RPS6KA6: variants seen among roughly 807,000 people sequenced by gnomAD.
RPS6KA6 encodes ribosomal protein S6 kinase alpha-6.
A neutral mutation model predicts 65.4 loss-of-function variants in RPS6KA6; 27 were observed. The observed-to-expected ratio is 0.41, with a 90% confidence interval of 0.30 to 0.57. The LOEUF is 0.57. Ranked by LOEUF, RPS6KA6 falls within the 20% of genes least tolerant of loss-of-function variation. RPS6KA6 has a pLI of 0.24. For missense variants in RPS6KA6, 486 were observed against 555.6 expected (o/e 0.87, Z 1.26); for synonymous variants, 190 against 184.2 (o/e 1.03, Z -0.26).
rs1034466329 is a variant in RPS6KA6 at position 84,147,608 on chromosome X, G to A, written c.340+434C>T. Among the ~76,000 whole-genome samples, 9 of 111,148 alleles carry A rather than the reference G, an allele frequency of 8.1e-5. No individual in the cohort carries two copies. In the South Asian group the frequency reaches 2.6e-3, roughly 33 times the overall value. On this transcript the variant is annotated intron_variant, in intron 4 of 21. Coordinates refer to ENST00000262752, the MANE Select transcript of RPS6KA6 (RefSeq NM_014496.5). ...ATTATAGGTGTGAGCCACCATGCCC[G>A]GCCTATTAATCTCTTTTAATTGTTC...
In RPS6KA6 at chrX:84,138,391, G is replaced by GAA. The variant is rs199653951; in HGVS notation, c.502-3183_502-3182dup. 7.7e-5 allele frequency among the ~76,000 whole-genome samples: 8 copies of GAA among 103,688 alleles called. No individual in the cohort carries two copies. In the East Asian group the frequency reaches 1.2e-3, roughly 16 times the overall value. The allele number at this position is 103,688 out of a possible 115,157, so 90.0% of individuals were successfully genotyped here. A position where few individuals can be genotyped will look rare whatever the true frequency, so the allele number is the denominator to read the frequency against. On this transcript the variant is annotated intron_variant, in intron 6 of 21. Coordinates refer to ENST00000262752, the MANE Select transcript of RPS6KA6 (RefSeq NM_014496.5). The stretch of plus-strand genomic sequence containing the variant: ...AACATAGCAAGATCCCATCTCTACT[G>GAA]AAAAAAAAAAATAGCCTGGTATAGT...
intron 20 of RPS6KA6, among the ~76,000 whole-genome samples, chrX:84,077,607 A>T (rs1207145981): frequency 8.9e-6 from 1 of 112,097 alleles, no homozygotes. Flanking sequence ...ATGTTGAATC[A>T]AAAAAGAACA....
At chrX:84,151,195 A>ATAG (rs1284219014) in intron 3 of RPS6KA6, among the ~76,000 whole-genome samples, 30 of 100,496 alleles carry the variant, frequency 3.0e-4, no homozygotes, top group African/African-American at 1.1e-3. Flanking sequence ...TAGGATATAT[A>ATAG]GAGATATAGA....
chrX:84,179,016 T>C (rs2035808763), intron 1 of RPS6KA6, among the ~76,000 whole-genome samples: 1 of 111,350 alleles, frequency 9.0e-6, no homozygotes, highest in Admixed American at 9.6e-5. Flanking sequence ...TGGAAATCGG[T>C]ATCTAATAAA....
At position 84,065,033 on chromosome X, in the gene RPS6KA6, T is replaced by C. The variant is rs774663686; in HGVS notation, c.2050A>G (p.Thr684Ala). The change falls in exon 21 of 22, where the codon ACT (threonine) becomes GCT (alanine). Residue 684 changes from threonine to alanine, a missense_variant. By Grantham distance (58) the Thr-to-Ala change is moderately conservative. This residue lies in a region of RPS6KA6 where 345 missense variants were observed against 375.0 expected (regional missense o/e 0.92). Coordinates refer to ENST00000262752, the MANE Select transcript of RPS6KA6 (RefSeq NM_014496.5). ...TCATTTGGCAACTGGTCTCTGTGAG[T>C]TATCCATGAGTGCTTTAATATTTGT... is the stretch of plus-strand genomic sequence containing the variant. ...AEQILKHSWI[T>A]HRDQLPNDQP... The C allele has an allele frequency of 8.3e-7, 1 of 1,202,519 alleles. No homozygotes were observed. The highest frequency in any genetic ancestry group is 1.1e-6 in the Non-Finnish European group (1 of 887,623).
At chrX:84,141,896 C>T (rs1432761431) in intron 6 of RPS6KA6, among the ~76,000 whole-genome samples, 1 of 111,051 alleles carries the variant, frequency 9.0e-6, no homozygotes, top group Non-Finnish European at 1.9e-5. Context: ...AACAGAAATT[C>T]AAGAAGAAAT....
At chrX:84,171,416 G>A (rs947526620) in intron 1 of RPS6KA6, among the ~76,000 whole-genome samples, 1 of 111,858 alleles carries the variant, frequency 8.9e-6, no homozygotes, top group African/African-American at 3.3e-5. Context: ...ACTTTCCAGA[G>A]ACAAATTTTA....
rs371258310 is a variant in RPS6KA6 at position 84,141,703 on chromosome X, T to C, written c.501+3775A>G. On this transcript the variant is annotated intron_variant, in intron 6 of 21. Transcript: ENST00000262752. ...ATATACCAAACTAACACTACTTTTT[T>C]AGAAAATAGTTGGTGTGACCATGTT... 1.6e-4 allele frequency among the ~76,000 whole-genome samples: 18 copies of C among 111,342 alleles called. No individual in the cohort carries two copies. In the East Asian group the frequency reaches 2.8e-3, roughly 17 times the overall value.
intron 3 of RPS6KA6, among the ~76,000 whole-genome samples, chrX:84,152,578 C>A (rs1181197200): frequency 1.8e-5 from 2 of 111,193 alleles, no homozygotes; most frequent in African/African-American, 3.3e-5. Flanking sequence ...TGTGCTATAT[C>A]ACCTTATCTT....
intron 1 of RPS6KA6, among the ~76,000 whole-genome samples, chrX:84,175,490 C>T (rs191282858): frequency 2.3e-3 from 252 of 111,362 alleles, no homozygotes; most frequent in African/African-American, 7.9e-3. Flanking sequence ...CATTTATATG[C>T]TAGGTATTAC....
intron 14 of RPS6KA6, 88 bp downstream of exon 14, chrX:84,106,822 C>A (rs2034368267): frequency 1.3e-6 from 1 of 751,220 alleles, no homozygotes; most frequent in Non-Finnish European, 1.9e-6. Flanking sequence ...AGTTAAAAAT[C>A]ACTTTAAAAA....
intron 3 of RPS6KA6, among the ~76,000 whole-genome samples, chrX:84,149,198 C>G (rs1324366901): frequency 8.9e-6 from 1 of 111,937 alleles, no homozygotes; most frequent in Non-Finnish European, 1.9e-5. Context: ...TTTAGTTCCA[C>G]TTCTAATTGT....
intron 15 of RPS6KA6, 94 bp downstream of exon 15, chrX:84,106,271 T>G (rs2147433031): frequency 1.3e-6 from 1 of 779,085 alleles, no homozygotes; most frequent in Admixed American, 3.4e-5. Flanking sequence ...ATCTTTCCTA[T>G]CTTCATTTAC....
chrX:84,103,558 A>G (rs2034297918), intron 17 of RPS6KA6, among the ~76,000 whole-genome samples: 1 of 111,028 alleles, frequency 9.0e-6, no homozygotes, highest in Non-Finnish European at 1.9e-5. Context: ...CCTGGCCTGT[A>G]GAAATGCTCA....
chrX:84,074,810 GAAAGA>G (rs1478653451), intron 20 of RPS6KA6, among the ~76,000 whole-genome samples: 1 of 111,758 alleles, frequency 8.9e-6, no homozygotes, highest in Admixed American at 9.5e-5. Flanking sequence ...AAAATGAGGA[GAAAGA>G]AAAGAATCAA....
intron 20 of RPS6KA6, among the ~76,000 whole-genome samples, chrX:84,086,771 G>A (rs183743115): frequency 1.4e-4 from 15 of 110,455 alleles, no homozygotes; most frequent in South Asian, 3.9e-4. Context: ...TTCTAAAGTC[G>A]CCCACTATTA....
At chrX:84,120,880 T>C (rs2034660097) in intron 8 of RPS6KA6, among the ~76,000 whole-genome samples, 1 of 111,910 alleles carries the variant, frequency 8.9e-6, no homozygotes, top group South Asian at 3.7e-4. Context: ...AGAAAACAGT[T>C]GGACTTACAC....
At chrX:84,094,890 T>C (rs1195926715) in intron 20 of RPS6KA6, among the ~76,000 whole-genome samples, 1 of 111,806 alleles carries the variant, frequency 8.9e-6, no homozygotes. Context: ...TTCTGAAGCA[T>C]AAACTGGATG....
At chrX:84,105,941 T>C in intron 15 of RPS6KA6, 65 bp from the exon 16 acceptor site, 1 of 596,336 alleles carries the variant, frequency 1.7e-6, no homozygotes, top group Non-Finnish European at 2.7e-6. Flanking sequence ...AATGAGTATT[T>C]TCCATTTGGT....
Sources: allele counts gnomAD v4.1 joint callset (sites outside exome capture counted in the v4.1 genomes callset), GRCh38; gene constraint gnomAD v4.1.1; regional missense constraint gnomAD v4.1.1; transcripts MANE v1.5; gene names NCBI Gene and HGNC (gene_info 2026-07-23, HGNC 2026-07-21).